Variants in PTPRO observed in about 807,000 individuals in gnomAD.
The protein encoded by PTPRO is receptor-type tyrosine-protein phosphatase O.
Under a neutral mutation model 145.2 loss-of-function variants are expected in PTPRO, and 62 were observed. That is an observed-to-expected ratio of 0.43 (90% CI 0.35 to 0.53). The LOEUF is 0.53. PTPRO is among the 20% of genes least tolerant of loss of function. The probability of loss-of-function intolerance (pLI) is 0.01; values close to 1 mark genes in which losing one functional copy is unlikely to be tolerated. For synonymous variants in PTPRO, 565 were observed against 514.7 expected (o/e 1.10, Z -1.32); for missense variants, 1,345 against 1,482.7 (o/e 0.91, Z 1.53).
intron 10 of PTPRO, among the ~76,000 whole-genome samples, chr12:15,522,563 T>C (rs1431990685): frequency 1.3e-5 from 2 of 152,222 alleles, no homozygotes; most frequent in Non-Finnish European, 2.9e-5. Context: ...TTTACCTTCT[T>C]ATTTAAAGCA....
chr12:15,405,126 C>T (rs151141649), intron 1 of PTPRO, among the ~76,000 whole-genome samples: 1 of 152,288 alleles, frequency 6.6e-6, no homozygotes, highest in African/African-American at 2.4e-5. Context: ...AAGGCTTCAA[C>T]ATATGAATTT....
intron 6 of PTPRO, among the ~76,000 whole-genome samples, chr12:15,507,194 C>T (rs1212234341): frequency 6.6e-6 from 1 of 152,042 alleles, no homozygotes; most frequent in African/African-American, 2.4e-5. Context: ...GGGCGGATCA[C>T]CTGAGGTCAG....
At chr12:15,473,768 C>CAAAAAAAAAAAAAAAAAAAAAAAAAAA (rs11340085) in intron 1 of PTPRO, among the ~76,000 whole-genome samples, 5 of 65,576 alleles carry the variant, frequency 7.6e-5, no homozygotes, top group South Asian at 1.4e-3. Context: ...GACTCCATCT[C>CAAAAAAAAAAAAAAAAAAAAAAAAAAA]AAAAAAAAAA....
At chr12:15,543,125 G>A (rs1053299158) in intron 12 of PTPRO, among the ~76,000 whole-genome samples, 1 of 152,148 alleles carries the variant, frequency 6.6e-6, no homozygotes, top group Non-Finnish European at 1.5e-5. Flanking sequence ...CAATCACGAA[G>A]ATCCTGAACA....
chr12:15,455,954 A>G (rs565906925), intron 1 of PTPRO, among the ~76,000 whole-genome samples: 1 of 152,314 alleles, frequency 6.6e-6, no homozygotes, highest in South Asian at 2.1e-4. Context: ...GTGTATACCT[A>G]TGTAACAAAC....
At chr12:15,360,890 G>GTGTGTATATACACACATATATATACACA (rs761462806) in intron 1 of PTPRO, among the ~76,000 whole-genome samples, 1 of 106,926 alleles carries the variant, frequency 9.4e-6, no homozygotes, top group Non-Finnish European at 2.1e-5. Context: ...ACATACACAT[G>GTGTGTATATACACACATATATATACACA]TGTATATACA....
chr12:15,445,316 A>G (rs1940873836), intron 1 of PTPRO, among the ~76,000 whole-genome samples: 2 of 152,096 alleles, frequency 1.3e-5, no homozygotes, highest in Admixed American at 6.6e-5. Flanking sequence ...ATGGATTACT[A>G]TTTTAAAATT....
At chr12:15,384,163 G>GA (rs1328921322) in intron 1 of PTPRO, among the ~76,000 whole-genome samples, 1 of 152,106 alleles carries the variant, frequency 6.6e-6, no homozygotes, top group Non-Finnish European at 1.5e-5. Flanking sequence ...TTTTCTTTGG[G>GA]ATCCTCTTGG....
rs1417222660 is a variant in PTPRO at position 15,513,153 on chromosome 12, AAGAAAAAGAAAGAAAG to A, written c.1465-2343_1465-2328del. On this transcript the variant is annotated intron_variant, in intron 7 of 26. Coordinates refer to ENST00000281171, the MANE Select transcript of PTPRO (RefSeq NM_030667.3). ...GAAGGAAGGAAGGAAGAAAGAAAGA[AAGAAAAAGAAAGAAAG>A]AAAGAAAGAAAGAAAGAAAGAAAGA... Among the ~76,000 whole-genome samples, 17 of 34,704 alleles carry A rather than the reference AAGAAAAAGAAAGAAAG, an allele frequency of 4.9e-4. 2 individuals carry two copies. Among genetic ancestry groups the A allele is most frequent in the African/African-American group, 1.5e-3 (12 of 7,986 alleles). 22.8% of individuals were successfully genotyped at this position (34,704 alleles called of 152,430 possible).
rs566500587 is a variant in PTPRO, at chr12:15,328,703, A to G, written c.75+5902A>G. Among the ~76,000 whole-genome samples the G allele has an allele frequency of 4.6e-5, 7 of 152,346 alleles. No homozygotes were observed. The East Asian group carries it at 1.4e-3, about 29-fold the overall frequency. The stretch of plus-strand genomic sequence containing the variant: ...TGAAGAACATTTGATGAAAACAAAT[A>G]CACTGCAATTCTATTTATATGCAAA... On this transcript the variant is annotated intron_variant, in intron 1 of 26. Transcript: ENST00000281171.
rs759773438 is a variant in PTPRO at position 15,549,210 on chromosome 12, A to C, written c.2421A>C (p.Ile807=). The change falls in exon 14 of 27, where the codon ATA becomes ATC. Residue 807 remains isoleucine, a synonymous_variant. Coordinates refer to ENST00000281171, the MANE Select transcript of PTPRO (RefSeq NM_030667.3). ...ACAGCCCCAGTGTCCCTACGTTCATAGCCGTCTCAACAATGGGTAATTATA... is the reference window on the plus strand; with the variant it reads ...ACAGCCCCAGTGTCCCTACGTTCATCGCCGTCTCAACAATGGGTAATTATA... ...SHDSPSVPTF[I]AVSTMVTEMN... is the part of the protein sequence containing the mutation. 3 of 1,611,568 alleles carry C rather than the reference A, an allele frequency of 1.9e-6. No homozygotes were observed. The highest frequency in any genetic ancestry group is 1.7e-6 in the Non-Finnish European group (2 of 1,178,856).
chr12:15,330,683 T>C (rs142381912), intron 1 of PTPRO, among the ~76,000 whole-genome samples: 1,710 of 152,284 alleles, frequency 0.011, 15 homozygotes, highest in Middle Eastern at 0.024. Flanking sequence ...TCCAGTTCTA[T>C]AGTCAGCCCC....
At chr12:15,354,189 T>TGCATC (rs1937905539) in intron 1 of PTPRO, among the ~76,000 whole-genome samples, 1 of 152,196 alleles carries the variant, frequency 6.6e-6, no homozygotes, top group Middle Eastern at 3.2e-3. Context: ...CACAATGGGC[T>TGCATC]GCATCTTAAA....
At chr12:15,459,011 TG>T (rs1191375868) in intron 1 of PTPRO, among the ~76,000 whole-genome samples, 1 of 152,126 alleles carries the variant, frequency 6.6e-6, no homozygotes, top group African/African-American at 2.4e-5. Flanking sequence ...CCAGAGATTC[TG>T]GGGGCTTCTC....
Position 15,586,879 on chromosome 12 carries a change from T to G in PTPRO, c.3256-18T>G, listed in dbSNP as rs1460778918. On this transcript the variant is annotated intron_variant, in intron 23 of 26. Transcript: ENST00000281171. ...GAACTGAAAAATTAATGCTTGTTTT[T>G]GGCTTTTTTCTCTAAAGGCTGACGA... 1.2e-6 allele frequency: 2 copies of G among 1,614,068 alleles called. No individual in the cohort carries two copies. Among genetic ancestry groups the G allele is most frequent in the South Asian group, 2.2e-5 (2 of 91,078 alleles).
chr12:15,359,540 C>CTACA (rs1461326989), intron 1 of PTPRO, among the ~76,000 whole-genome samples: 4 of 147,980 alleles, frequency 2.7e-5, no homozygotes, highest in Non-Finnish European at 5.9e-5. Context: ...GTAGCTGGAA[C>CTACA]TACAGGCACC....
chr12:15,326,675 G>A (rs549656242), intron 1 of PTPRO, among the ~76,000 whole-genome samples: 18 of 152,256 alleles, frequency 1.2e-4, no homozygotes, highest in African/African-American at 4.3e-4. Context: ...CTAACTTGAG[G>A]GGTTGTAAAA....
chr12:15,360,883 T>TACACATGTATAC (rs1938173205), intron 1 of PTPRO, among the ~76,000 whole-genome samples: 1 of 135,452 alleles, frequency 7.4e-6, no homozygotes, highest in African/African-American at 2.7e-5. Context: ...TATACACACA[T>TACACATGTATAC]ACACATGTGT....
At chr12:15,376,106 A>C (rs1938678870) in intron 1 of PTPRO, among the ~76,000 whole-genome samples, 1 of 152,194 alleles carries the variant, frequency 6.6e-6, no homozygotes, top group Non-Finnish European at 1.5e-5. Flanking sequence ...AATCATAGCC[A>C]TAAACTCCCC....
Sources: gnomAD v4.1 joint callset for allele counts (sites outside exome capture counted in the v4.1 genomes callset) on GRCh38, gnomAD v4.1.1 for gene constraint, MANE v1.5 for transcripts, NCBI Gene and HGNC (gene_info 2026-07-23, HGNC 2026-07-21) for gene names.